ASB16: variants seen among roughly 807,000 people sequenced by gnomAD.
The protein encoded by ASB16 is ankyrin repeat and SOCS box containing 16, also known as ankyrin repeat and SOCS box protein 16.
In ASB16, 44 loss-of-function variants were observed where a neutral mutation model predicts 39.1. The ratio of observed to expected loss-of-function variants is 1.13; its 90% CI spans 0.88 to 1.45. The LOEUF is 1.45. Among genes scored for constraint, ASB16 ranks in the 40% most tolerant of loss-of-function variants. The pLI is 0.00. For synonymous variants in ASB16, 305 were observed against 286.7 expected, an observed-to-expected ratio of 1.06 and a Z score of -0.64; for missense variants, 698 against 634.5, an observed-to-expected ratio of 1.10 and a Z score of -1.07.
At position 44,176,971 on chromosome 17, in the gene ASB16, G is replaced by A; in HGVS notation, c.803G>A (p.Arg268His). The A allele has an allele frequency of 4.0e-6, 6 of 1,485,604 alleles. No homozygotes were observed. Among genetic ancestry groups the A allele is most frequent in the East Asian group, 2.7e-5 (1 of 37,338 alleles). The allele number at this position is 1,485,604 out of a possible 1,614,324, so 92.0% of individuals were successfully genotyped here. The part of the protein sequence containing the change: ...GSCRRHQAAA[R>H]RLLEAGADAR... ...TGCAGGCGACACCAGGCTGCGGCGC[G>A]CCGGCTCCTGGAGGCTGGAGCTGAT... Residue 268 changes from arginine to histidine, a missense_variant, in exon 3 of 5, where the codon CGC becomes CAC. By Grantham distance (29) the Arg-to-His change is conservative. Transcript: ENST00000293414.
At chr17:44,177,570 G>C (rs774304877) in intron 3 of ASB16, 39 bp from the exon 4 acceptor site, 4 of 1,602,034 alleles carry the variant, frequency 2.5e-6, no homozygotes, top group African/African-American at 2.7e-5. Context: ...GCCCTCGGGT[G>C]GGGGAGGCAT....
At position 44,170,833 on chromosome 17, in the gene ASB16, C is replaced by G. The variant is rs777886270; in HGVS notation, c.44C>G (p.Ser15Cys). 1 of 1,611,394 alleles carries G rather than the reference C, an allele frequency of 6.2e-7. No homozygotes were observed. The highest frequency in any genetic ancestry group is 2.2e-5 in the East Asian group (1 of 44,844). ...CCCTTCACCTCCTCCATGCTGCGCTCTCTCCGCCTGCAGCAGGAGTGGCTG... is the reference window on the plus strand; with the variant it reads ...CCCTTCACCTCCTCCATGCTGCGCTGTCTCCGCCTGCAGCAGGAGTGGCTG... ...TFPFTSSMLR[S>C]LRLQQEWLEW... is the part of the protein sequence containing the mutation. The change falls in exon 1 of 5, where the codon TCT (serine) becomes TGT (cysteine). Residue 15 changes from serine to cysteine, a missense_variant. Transcript: ENST00000293414.
intron 2 of ASB16, among the ~76,000 whole-genome samples, chr17:44,173,062 T>C (rs998523299): frequency 7.3e-6 from 1 of 136,812 alleles, no homozygotes; most frequent in Non-Finnish European, 1.5e-5. Flanking sequence ...ATTCTGCCAC[T>C]GCACTCCAGC....
chr17:44,170,958 C>T lies in ASB16; in HGVS notation c.169C>T (p.Arg57Ter), dbSNP rs371159852. ...ARLTRPHRSC[R>*]DPAVHQALFS... Reference sequence around the variant, plus strand: ...ACTCACTAGGCCTCACCGTTCCTGCCGAGACCCAGCTGTCCACCAAGCCCT... The same window carrying T: ...ACTCACTAGGCCTCACCGTTCCTGCTGAGACCCAGCTGTCCACCAAGCCCT... Residue 57 changes from arginine (R) to a stop codon, truncating the protein, a stop_gained, in exon 1 of 5, where the codon CGA (arginine) becomes TGA (stop). Coordinates refer to ENST00000293414, the MANE Select transcript of ASB16 (RefSeq NM_080863.5). LOFTEE classifies it high-confidence loss of function. 5.3e-5 allele frequency: 85 copies of T among 1,613,858 alleles called. No homozygotes were observed. The highest frequency in any genetic ancestry group is 1.7e-4 in the Middle Eastern group (1 of 6,022).
intron 1 of ASB16, among the ~76,000 whole-genome samples, chr17:44,171,525 T>C (rs1223606769): frequency 7.1e-6 from 1 of 139,990 alleles, no homozygotes; most frequent in Non-Finnish European, 1.5e-5. Context: ...ATAGCGCCAC[T>C]GCATTCCAGC....
chr17:44,177,245 C>G lies in ASB16; in HGVS notation c.1062+15C>G. The stretch of plus-strand genomic sequence containing the variant: ...TGCGCCCTGAGGTGCGCTGGGAGGC[C>G]CTGACATAGGAGGCTCCTGTGTGGG... On this transcript the variant is annotated intron_variant, in intron 3 of 4. Coordinates refer to ENST00000293414, the MANE Select transcript of ASB16 (RefSeq NM_080863.5). The G allele has an allele frequency of 6.6e-7, 1 of 1,526,036 alleles. No homozygotes were observed. Among genetic ancestry groups the G allele is most frequent in the Admixed American group, 2.2e-5 (1 of 45,260 alleles). 94.5% of individuals were successfully genotyped at this position (1,526,036 alleles called of 1,614,324 possible).
In ASB16 at chr17:44,178,631, C is replaced by A. The variant is rs1223346988; in HGVS notation, c.*241C>A. 1.9e-6 allele frequency: 1 copy of A among 538,374 alleles called. No individual in the cohort carries two copies. The highest frequency in any genetic ancestry group is 3.5e-5 in the Admixed American group (1 of 28,376). The allele number at this position is 538,374 out of a possible 1,614,324, so 33.3% of individuals were successfully genotyped here. A position where few individuals can be genotyped will look rare whatever the true frequency, so the allele number is the denominator to read the frequency against. ...GGGACTACAGGCATGAGTCACCACACCTGGCTGATTTTGTATTTTTAGTAG... is the reference window on the plus strand; with the variant it reads ...GGGACTACAGGCATGAGTCACCACAACTGGCTGATTTTGTATTTTTAGTAG... On this transcript the variant is annotated 3_prime_UTR_variant, in exon 5 of 5. Coordinates refer to ENST00000293414, the MANE Select transcript of ASB16 (RefSeq NM_080863.5).
intron 4 of ASB16, 118 bp downstream of exon 4, chr17:44,177,840 T>G (rs910078075): frequency 7.0e-7 from 1 of 1,421,240 alleles, no homozygotes; most frequent in South Asian, 1.4e-5. Flanking sequence ...ATGGGTAGAG[T>G]GGCACCCCTG....
rs141744178 is a variant in ASB16, at chr17:44,176,770, C to A, written c.602C>A (p.Thr201Lys). 1.7e-4 allele frequency: 282 copies of A among 1,613,974 alleles called. No homozygotes were observed. The African/African-American group carries it at 3.6e-3, about 20-fold the overall frequency. Residue 201 changes from threonine (T) to lysine (K), a missense_variant, in exon 3 of 5, where the codon ACG becomes AAG. Thr to Lys is a moderately conservative substitution (Grantham distance 78). Coordinates refer to ENST00000293414, the MANE Select transcript of ASB16 (RefSeq NM_080863.5). ...AAGTTGCTGCTGGAAGCAGGAGCGA[C>A]GGTGAACCTGGCAGCAGGCGAGAGC... ...CAKLLLEAGA[T>K]VNLAAGESQE...
rs367726107 is a variant in ASB16, at chr17:44,172,124, C to T, written c.380C>T (p.Ala127Val). The T allele has an allele frequency of 9.9e-6, 16 of 1,611,560 alleles. No individual in the cohort carries two copies. Among genetic ancestry groups the T allele is most frequent in the African/African-American group, 4.0e-5 (3 of 75,036 alleles). ...ACAGCCCGAGGCTACACAGACTGTG[C>T]TCGACACCTGATCCGGCAGGGAGCT... ...IATARGYTDCARHLIRQGAEL... is the reference protein window; with the variant it reads ...IATARGYTDCVRHLIRQGAEL... Residue 127 changes from alanine to valine, a missense_variant, in exon 2 of 5, where the codon GCT (alanine) becomes GTT (valine). Ala to Val is a moderately conservative substitution (Grantham distance 64, BLOSUM62 0). Transcript: ENST00000293414.
At chr17:44,177,418 C>A in intron 3 of ASB16, 188 bp downstream of exon 3, 1 of 1,156,404 alleles carries the variant, frequency 8.6e-7, no homozygotes, top group Non-Finnish European at 1.2e-6. Context: ...GGGAAGAGCC[C>A]CAGAGGAAAA....
chr17:44,176,316 C>T, intron 2 of ASB16: 1 of 260,918 alleles, frequency 3.8e-6, no homozygotes, highest in Non-Finnish European at 7.4e-6. Flanking sequence ...GTAATCACAC[C>T]ACTGCACTTC....
Position 44,172,240 on chromosome 17 carries a change from G to A in ASB16, c.496G>A (p.Gly166Arg), listed in dbSNP as rs144187817. 323 of 1,613,844 alleles carry A rather than the reference G, an allele frequency of 2.0e-4. No individual in the cohort carries two copies. The highest frequency in any genetic ancestry group is 1.9e-3 in the African/African-American group (146 of 75,030). The part of the protein sequence containing the change: ...FDCVRLLLTF[G>R]AKANVLTEEG... ...CTGTGTGCGGCTGCTGCTGACCTTC[G>A]GAGCCAAGGCTAATGTGCTGACTGA... Residue 166 changes from glycine (G) to arginine (R), a missense_variant, in exon 2 of 5, where the codon GGA (glycine) becomes AGA (arginine). Transcript: ENST00000293414.
chr17:44,171,172 T>C lies in ASB16; in HGVS notation c.301+82T>C, dbSNP rs2054240145. 4 of 1,399,926 alleles carry C rather than the reference T, an allele frequency of 2.9e-6. No homozygotes were observed. In the Admixed American group the frequency reaches 6.9e-5, roughly 24 times the overall value. 86.7% of individuals were successfully genotyped at this position (1,399,926 alleles called of 1,614,324 possible). On this transcript the variant is annotated intron_variant, in intron 1 of 4. Coordinates refer to ENST00000293414, the MANE Select transcript of ASB16 (RefSeq NM_080863.5). Reference sequence around the variant, plus strand: ...GAAGGGGGAGAGTCTAGGCCCCTCCTTCCCTGCAGACCACAGACTATAGCA... The same window carrying C: ...GAAGGGGGAGAGTCTAGGCCCCTCCCTCCCTGCAGACCACAGACTATAGCA...
chr17:44,178,568 G>A lies in ASB16; in HGVS notation c.*178G>A, dbSNP rs1363333369. 1.5e-6 allele frequency: 1 copy of A among 672,530 alleles called. No individual in the cohort carries two copies. Among genetic ancestry groups the A allele is most frequent in the Non-Finnish European group, 2.4e-6 (1 of 408,406 alleles). 41.7% of individuals were successfully genotyped at this position (672,530 alleles called of 1,614,324 possible). ...GCTCACTGCAACTTCTACCACCTAG[G>A]TTCAAGCGATTCTTGTGCCCCAAAC... On this transcript the variant is annotated 3_prime_UTR_variant, in exon 5 of 5. Coordinates refer to ENST00000293414, the MANE Select transcript of ASB16 (RefSeq NM_080863.5).
intron 4 of ASB16, 75 bp downstream of exon 4, chr17:44,177,797 A>G (rs2054321673): frequency 6.4e-7 from 1 of 1,558,548 alleles, no homozygotes; most frequent in Non-Finnish European, 8.7e-7. Context: ...AGCCTCATGG[A>G]GGGAGCAGCA....
intron 2 of ASB16, among the ~76,000 whole-genome samples, chr17:44,174,089 G>T (rs2054266209): frequency 6.7e-6 from 1 of 149,288 alleles, no homozygotes; most frequent in African/African-American, 2.5e-5. Flanking sequence ...TCCCAGGCTG[G>T]AGTGTAGTGG....
intron 2 of ASB16, among the ~76,000 whole-genome samples, chr17:44,174,390 A>T (rs1457641740): frequency 6.6e-6 from 1 of 150,644 alleles, no homozygotes; most frequent in Non-Finnish European, 1.5e-5. Context: ...AGAGACATAG[A>T]CTCTCTATGT....
At chr17:44,171,561 T>TAAAAAAAAAAAAAAAAAAAAA (rs57839628) in intron 1 of ASB16, among the ~76,000 whole-genome samples, 1 of 97,730 alleles carries the variant, frequency 1.0e-5, no homozygotes, top group African/African-American at 5.6e-5. Context: ...AGACCCTGCC[T>TAAAAAAAAAAAAAAAAAAAAA]AAAAAAAAAA....
Sources: allele counts gnomAD v4.1 joint callset (sites outside exome capture counted in the v4.1 genomes callset), GRCh38; gene constraint gnomAD v4.1.1; transcripts MANE v1.5; gene names NCBI Gene and HGNC (gene_info 2026-07-23, HGNC 2026-07-21).